The following PPP2R5E variants were observed in gnomAD, a reference collection of about 807,000 sequenced individuals.
The protein encoded by PPP2R5E is serine/threonine-protein phosphatase 2A 56 kDa regulatory subunit epsilon isoform.
Under a neutral mutation model 65.3 loss-of-function variants are expected in PPP2R5E, and 4 were observed. That is an observed-to-expected ratio of 0.06 (90% CI 0.03 to 0.14). The LOEUF is 0.14. Ranked by LOEUF, PPP2R5E falls within the 10% of genes least tolerant of loss-of-function variation. The pLI, the probability that PPP2R5E is intolerant of heterozygous loss-of-function variation, is 1.00. For missense variants in PPP2R5E, 274 were observed against 556.1 expected (o/e 0.49, Z 5.10); for synonymous variants, 183 against 187.4 (o/e 0.98, Z 0.19).
intron 2 of PPP2R5E, among the ~76,000 whole-genome samples, chr14:63,533,883 G>C (rs1255783): frequency 0.15 from 22,413 of 152,122 alleles, 1,870 homozygotes; most frequent in African/African-American, 0.22. Context: ...GGAGGCAGAG[G>C]TTGCAGTGAG....
chr14:63,430,389 A>ACATGAATG (rs1427187078), intron 3 of PPP2R5E, among the ~76,000 whole-genome samples: 1 of 142,492 alleles, frequency 7.0e-6, no homozygotes, highest in African/African-American at 2.9e-5. Context: ...ATACATACAT[A>ACATGAATG]CATACATACA....
chr14:63,420,747 T>C (rs1886963855), intron 4 of PPP2R5E, among the ~76,000 whole-genome samples: 1 of 152,146 alleles, frequency 6.6e-6, no homozygotes, highest in South Asian at 2.1e-4. Context: ...CACAGTTTGT[T>C]TGCTCTTCAA....
At chr14:63,512,435 C>G (rs1892503641) in intron 2 of PPP2R5E, among the ~76,000 whole-genome samples, 1 of 152,204 alleles carries the variant, frequency 6.6e-6, no homozygotes, top group African/African-American at 2.4e-5. Context: ...CTCTGGTAGA[C>G]TCTGTAAGTG....
chr14:63,529,044 G>C (rs1893300381), intron 2 of PPP2R5E, among the ~76,000 whole-genome samples: 1 of 152,144 alleles, frequency 6.6e-6, no homozygotes, highest in African/African-American at 2.4e-5. Context: ...GGGTCTTGCT[G>C]TCACCTAGAG....
chr14:63,452,401 C>T (rs1317931826), intron 3 of PPP2R5E: 1 of 152,180 alleles, frequency 6.6e-6, no homozygotes, highest in East Asian at 1.9e-4. Context: ...CCACCCGGTA[C>T]ATTGTAAAAT....
rs1272686900 is a variant in PPP2R5E at position 63,523,095 on chromosome 14, GC to G, written c.157+16433del. 9.9e-3 allele frequency among the ~76,000 whole-genome samples: 1,474 copies of G among 148,416 alleles called. 25 individuals are homozygous for G. Among genetic ancestry groups the G allele is most frequent in the African/African-American group, 0.036 (1,392 of 39,020 alleles). On this transcript the variant is annotated intron_variant, in intron 2 of 13. Coordinates refer to ENST00000337537, the MANE Select transcript of PPP2R5E (RefSeq NM_006246.5). ...GTCCGGGAGGGAGGTGGGGGGGTCAGCCCCCCGCCCGGCCAGCAGCCCCTTC... is the reference window on the plus strand; with the variant it reads ...GTCCGGGAGGGAGGTGGGGGGGTCAGCCCCCGCCCGGCCAGCAGCCCCTTC...
At chr14:63,441,631 G>A (rs1030747265) in intron 3 of PPP2R5E, among the ~76,000 whole-genome samples, 1 of 152,230 alleles carries the variant, frequency 6.6e-6, no homozygotes, top group Non-Finnish European at 1.5e-5. Context: ...ATAGAACACA[G>A]CAGGGCGCGG....
intron 3 of PPP2R5E, 198 bp downstream of exon 3, chr14:63,453,487 GTAGT>G (rs1429903463): frequency 9.4e-6 from 4 of 425,206 alleles, no homozygotes; most frequent in Non-Finnish European, 1.2e-5. Flanking sequence ...CAGCACTGTC[GTAGT>G]TAAAGTTCTG....
chr14:63,425,550 A>T (rs992620317), intron 3 of PPP2R5E, among the ~76,000 whole-genome samples: 2 of 152,242 alleles, frequency 1.3e-5, no homozygotes, highest in African/African-American at 4.8e-5. Context: ...CTGGGTAAAG[A>T]AACAGAAACT....
intron 8 of PPP2R5E, 52 bp from the exon 9 acceptor site, chr14:63,392,077 G>A: frequency 1.4e-6 from 2 of 1,418,550 alleles, no homozygotes; most frequent in Non-Finnish European, 1.9e-6. Context: ...TACAGTAAGG[G>A]CTCAAAAGAT....
chr14:63,438,225 C>T (rs1888036175), intron 3 of PPP2R5E, among the ~76,000 whole-genome samples: 3 of 152,332 alleles, frequency 2.0e-5, no homozygotes, highest in East Asian at 1.9e-4. Flanking sequence ...CTTTTTCCTG[C>T]TCATCATGCA....
chr14:63,385,956 G>A (rs1295152815), intron 11 of PPP2R5E, among the ~76,000 whole-genome samples: 2 of 151,924 alleles, frequency 1.3e-5, no homozygotes, highest in African/African-American at 4.8e-5. Context: ...TGGTCTGCTG[G>A]GCCTGATTGG....
intron 2 of PPP2R5E, among the ~76,000 whole-genome samples, chr14:63,533,714 C>T (rs1346305876): frequency 6.6e-6 from 1 of 152,032 alleles, no homozygotes; most frequent in Non-Finnish European, 1.5e-5. Context: ...GAGGCCTAGG[C>T]AGGCGGACGC....
At chr14:63,459,618 T>C (rs1025682134) in intron 2 of PPP2R5E, among the ~76,000 whole-genome samples, 3 of 152,202 alleles carry the variant, frequency 2.0e-5, no homozygotes, top group Admixed American at 6.5e-5. Flanking sequence ...TACTTTATTA[T>C]TGTATTCAAA....
intron 3 of PPP2R5E, among the ~76,000 whole-genome samples, chr14:63,444,395 T>C (rs1197919879): frequency 6.6e-6 from 1 of 152,226 alleles, no homozygotes; most frequent in African/African-American, 2.4e-5. Context: ...TACTACTATA[T>C]ATATGACATT....
At chr14:63,464,531 G>A (rs934881052) in intron 2 of PPP2R5E, among the ~76,000 whole-genome samples, 3 of 152,204 alleles carry the variant, frequency 2.0e-5, no homozygotes, top group African/African-American at 7.2e-5. Context: ...GCTGGAGCTG[G>A]AGTGGAAAGT....
intron 12 of PPP2R5E, among the ~76,000 whole-genome samples, chr14:63,384,002 C>A (rs7150819): frequency 0.17 from 25,120 of 152,004 alleles, 3,059 homozygotes; most frequent in East Asian, 0.49. Flanking sequence ...AGACCTTGTG[C>A]CTCAGCCCTC....
intron 3 of PPP2R5E, among the ~76,000 whole-genome samples, chr14:63,447,833 G>T (rs187523360): frequency 1.3e-3 from 193 of 152,112 alleles, no homozygotes; most frequent in Non-Finnish European, 1.7e-3. Flanking sequence ...CCATTATAGG[G>T]TTATTAATTG....
chr14:63,485,817 C>T (rs1310202422), intron 2 of PPP2R5E, among the ~76,000 whole-genome samples: 1 of 149,624 alleles, frequency 6.7e-6, no homozygotes, highest in Non-Finnish European at 1.5e-5. Flanking sequence ...TGTACATATA[C>T]TGACAAACTT....
Sources: allele counts gnomAD v4.1 joint callset (sites outside exome capture counted in the v4.1 genomes callset), GRCh38; gene constraint gnomAD v4.1.1; transcripts MANE v1.5; gene names NCBI Gene and HGNC (gene_info 2026-07-23, HGNC 2026-07-21).